Variants in AMMECR1 observed in about 807,000 individuals in gnomAD.
AMMECR1 encodes the protein AMMECR nuclear protein 1.
Under a neutral mutation model 22.5 loss-of-function variants are expected in AMMECR1, and 3 were observed. The ratio of observed to expected loss-of-function variants is 0.13; its 90% CI spans 0.06 to 0.35. The LOEUF (loss-of-function observed/expected upper bound fraction) is 0.35. Ranked by LOEUF, AMMECR1 falls within the 10% of genes least tolerant of loss-of-function variation. The pLI is 1.00. For missense variants in AMMECR1, 235 were observed against 278.7 expected, an observed-to-expected ratio of 0.84 and a Z score of 1.12; for synonymous variants, 130 against 116.7, an observed-to-expected ratio of 1.11 and a Z score of -0.74.
chrX:110,295,169 A>G (rs1038057580), intron 1 of AMMECR1, among the ~76,000 whole-genome samples: 1 of 111,778 alleles, frequency 8.9e-6, no homozygotes, highest in African/African-American at 3.2e-5. Flanking sequence ...TAGATACTTC[A>G]CATTAGACTG....
intron 2 of AMMECR1, among the ~76,000 whole-genome samples, chrX:110,220,386 A>C (rs932541847): frequency 8.9e-6 from 1 of 111,761 alleles, no homozygotes; most frequent in African/African-American, 3.2e-5. Context: ...GGGTAAACAG[A>C]GCTAGACTTC....
chrX:110,245,108 CACT>C (rs1481748664), intron 2 of AMMECR1, among the ~76,000 whole-genome samples: 2 of 111,987 alleles, frequency 1.8e-5, no homozygotes, highest in African/African-American at 6.5e-5. Context: ...GGATAGAGCT[CACT>C]ACTTCTGAAT....
chrX:110,439,936 G>A (rs2068867794), exon 1 of AMMECR1: 1 of 110,683 alleles, frequency 9.0e-6, no homozygotes, highest in African/African-American at 3.3e-5. Flanking sequence ...ACAGGCTCCC[G>A]AATGCCTGCC....
intron 2 of AMMECR1, among the ~76,000 whole-genome samples, chrX:110,395,395 A>C (rs2068521953): frequency 8.9e-6 from 1 of 111,831 alleles, no homozygotes; most frequent in South Asian, 3.8e-4. Context: ...TCCCTGAACA[A>C]TAGCAGTGCC....
intron 2 of AMMECR1, among the ~76,000 whole-genome samples, chrX:110,359,436 C>A: frequency 9.0e-6 from 1 of 111,098 alleles, no homozygotes; most frequent in East Asian, 2.8e-4. Context: ...CATAAATTAT[C>A]CCATCTCAAC....
intron 2 of AMMECR1, among the ~76,000 whole-genome samples, chrX:110,234,185 C>A: frequency 9.0e-6 from 1 of 110,839 alleles, no homozygotes; most frequent in East Asian, 2.8e-4. Context: ...ATACCAATAA[C>A]AGACAAACAG....
chrX:110,388,991 T>A (rs1255626382), intron 2 of AMMECR1, among the ~76,000 whole-genome samples: 1 of 112,383 alleles, frequency 8.9e-6, no homozygotes, highest in East Asian at 2.8e-4. Context: ...TATATTTTAA[T>A]TCACATATTC....
intron 2 of AMMECR1, among the ~76,000 whole-genome samples, chrX:110,382,022 T>A (rs1358784885): frequency 9.0e-6 from 1 of 111,373 alleles, no homozygotes; most frequent in Non-Finnish European, 1.9e-5. Flanking sequence ...TTAAAAAAAA[T>A]TTAAACAGCT....
intron 2 of AMMECR1, among the ~76,000 whole-genome samples, chrX:110,420,608 G>C (rs1036450530): frequency 1.8e-5 from 2 of 112,194 alleles, no homozygotes; most frequent in Non-Finnish European, 3.8e-5. Context: ...CAAACTTTCA[G>C]TGTTCCAATC....
At chrX:110,425,869 GAATA>G (rs1036764902) in intron 2 of AMMECR1, among the ~76,000 whole-genome samples, 1 of 112,608 alleles carries the variant, frequency 8.9e-6, no homozygotes, top group African/African-American at 3.2e-5. Flanking sequence ...ACAGATGAAT[GAATA>G]GACAAATGTA....
At chrX:110,392,877 T>A (rs1269111162) in intron 2 of AMMECR1, among the ~76,000 whole-genome samples, 1 of 111,791 alleles carries the variant, frequency 8.9e-6, no homozygotes, top group African/African-American at 3.3e-5. Flanking sequence ...ATAAAAAGAT[T>A]TGATGGTATG....
intron 1 of AMMECR1, among the ~76,000 whole-genome samples, chrX:110,310,130 C>T (rs1030943754): frequency 1.2e-4 from 13 of 112,456 alleles, no homozygotes; most frequent in African/African-American, 4.2e-4. Context: ...ACTAAAACAT[C>T]ACAATAGCTC....
At chrX:110,412,822 A>T (rs1362367785) in intron 2 of AMMECR1, among the ~76,000 whole-genome samples, 1 of 112,520 alleles carries the variant, frequency 8.9e-6, no homozygotes, top group Non-Finnish European at 1.9e-5. Flanking sequence ...TAAGGGTATT[A>T]TATGTTACAC....
intron 2 of AMMECR1, among the ~76,000 whole-genome samples, chrX:110,331,353 A>G (rs1002727472): frequency 9.3e-6 from 1 of 107,805 alleles, no homozygotes; most frequent in Non-Finnish European, 1.9e-5. Flanking sequence ...ATAGTTTCAC[A>G]TGGATATCCC....
intron 2 of AMMECR1, among the ~76,000 whole-genome samples, chrX:110,232,706 C>T (rs1456488876): frequency 1.0e-4 from 11 of 108,685 alleles, no homozygotes; most frequent in Admixed American, 3.9e-4. Context: ...CCGGCTAACA[C>T]GGTGAAACCC....
chrX:110,321,615 T>C (rs1285445170), upstream of AMMECR1, among the ~76,000 whole-genome samples: 4 of 112,124 alleles, frequency 3.6e-5, no homozygotes, highest in Non-Finnish European at 7.5e-5. Context: ...GTTTACAACA[T>C]AGTTATTTTT....
At chrX:110,340,261 A>G (rs7063696) in intron 2 of AMMECR1, among the ~76,000 whole-genome samples, 4,847 of 111,640 alleles carry the variant, frequency 0.043, 269 homozygotes, top group African/African-American at 0.15. Context: ...TACGGTAAAC[A>G]CTCAATAAAT....
chrX:110,319,769 G>A (rs1290592154), upstream of AMMECR1, among the ~76,000 whole-genome samples: 4 of 111,931 alleles, frequency 3.6e-5, no homozygotes, highest in Admixed American at 9.4e-5. Context: ...AAGTAACAGA[G>A]CTAGGATTGG....
chrX:110,355,762 C>T (rs1199620880), intron 2 of AMMECR1, among the ~76,000 whole-genome samples: 1 of 111,825 alleles, frequency 8.9e-6, no homozygotes, highest in Non-Finnish European at 1.9e-5. Context: ...ATCAGTATGT[C>T]AAAGAGATAT....
Sources: allele counts gnomAD v4.1 joint callset (sites outside exome capture counted in the v4.1 genomes callset), GRCh38; gene constraint gnomAD v4.1.1; transcripts MANE v1.5; gene names NCBI Gene and HGNC (gene_info 2026-07-23, HGNC 2026-07-21).